The following XRRA1 variants were observed in gnomAD, a reference collection of about 807,000 sequenced individuals.
XRRA1 encodes X-ray radiation resistance-associated protein 1.
A neutral mutation model predicts 80.2 loss-of-function variants in XRRA1; 69 were observed. That is an observed-to-expected ratio of 0.86 (90% confidence interval 0.71 to 1.05). The LOEUF (loss-of-function observed/expected upper bound fraction) is 1.05. Among genes scored for constraint, XRRA1 ranks in the 50% least tolerant of loss-of-function variants. The pLI is 0.00. For synonymous variants in XRRA1, 348 were observed against 389.9 expected (o/e 0.89, Z 1.27); for missense variants, 967 against 976.4 (o/e 0.99, Z 0.13).
Position 74,841,716 on chromosome 11 carries a change from G to T in XRRA1, c.*1484C>A, listed in dbSNP as rs1398912092. 1 of 152,200 alleles carries T rather than the reference G, an allele frequency of 6.6e-6. No homozygotes were observed. Among genetic ancestry groups the T allele is most frequent in the Non-Finnish European group, 1.5e-5 (1 of 68,026 alleles). The allele number at this position is 152,200 out of a possible 1,614,324, so 9.4% of individuals were successfully genotyped here. ...TTGAAGCCAAGGCAAAGCAAGGTTT[G>T]TTCATCTTCCTTTCCTGTCATTTAA... On this transcript the variant is annotated 3_prime_UTR_variant, in exon 19 of 19. Coordinates refer to ENST00000684022, the MANE Select transcript of XRRA1 (RefSeq NM_001378157.1).
At chr11:74,844,379 T>G in intron 16 of XRRA1, 96 bp from the exon 17 acceptor site, 9 of 867,970 alleles carry the variant, frequency 1.0e-5, no homozygotes, top group Non-Finnish European at 1.1e-5. Context: ...ACAGCAGCTC[T>G]AGGTAAAAGG....
chr11:74,907,155 C>G lies in XRRA1; in HGVS notation c.775G>C (p.Gly259Arg), dbSNP rs1457971839. The G allele has an allele frequency of 1.9e-6, 3 of 1,613,638 alleles. No individual in the cohort carries two copies. The highest frequency in any genetic ancestry group is 2.5e-6 in the Non-Finnish European group (3 of 1,179,876). ...GGCTTATGGCTTTACCTCCTGAGCC[C>G]AGCCAGGCTGGCAAAGCAACTGGGG... ...SNPSCFASLA[G>R]LRRLKKLSLD... is the part of the protein sequence containing the mutation. The change falls in exon 9 of 19, where the codon GGG (glycine) becomes CGG (arginine). Residue 259 changes from glycine (G) to arginine (R), a missense_variant. By Grantham distance (125) the Gly-to-Arg change is moderately radical. Coordinates refer to ENST00000684022, the MANE Select transcript of XRRA1 (RefSeq NM_001378157.1).
At chr11:74,867,984 C>T (rs112128750) in intron 10 of XRRA1, among the ~76,000 whole-genome samples, 87 of 132,230 alleles carry the variant, frequency 6.6e-4, no homozygotes, top group African/African-American at 2.3e-3. Context: ...TACAATGGTG[C>T]GATCTTGGTT....
At chr11:74,857,034 G>C (rs1428330194) in intron 12 of XRRA1, among the ~76,000 whole-genome samples, 1 of 151,934 alleles carries the variant, frequency 6.6e-6, no homozygotes, top group Non-Finnish European at 1.5e-5. Flanking sequence ...TAAGACTGGG[G>C]CTAGAGCCTC....
intron 10 of XRRA1, among the ~76,000 whole-genome samples, chr11:74,864,520 G>A (rs1257112327): frequency 6.6e-6 from 1 of 152,212 alleles, no homozygotes; most frequent in East Asian, 1.9e-4. Flanking sequence ...TGAGGGTACA[G>A]ACCAACACCC....
At position 74,852,892 on chromosome 11, in the gene XRRA1, G is replaced by A. The variant is rs1439323345; in HGVS notation, c.1171-810C>T. 2.6e-5 allele frequency among the ~76,000 whole-genome samples: 4 copies of A among 152,158 alleles called. No individual in the cohort carries two copies. The East Asian group carries it at 7.7e-4, about 29-fold the overall frequency. ...CCCCTGGACACACTGAAAGGTATTG[G>A]GTCAGATGTAGGACCCAATGAAGGT... On this transcript the variant is annotated intron_variant, in intron 12 of 18. Coordinates refer to ENST00000684022, the MANE Select transcript of XRRA1 (RefSeq NM_001378157.1).
intron 10 of XRRA1, among the ~76,000 whole-genome samples, chr11:74,883,931 C>T (rs979118902): frequency 1.3e-5 from 2 of 152,172 alleles, no homozygotes; most frequent in African/African-American, 4.8e-5. Context: ...GGCACGGTAG[C>T]TTATGCCTGT....
chr11:74,882,111 T>A (rs536056881), intron 10 of XRRA1, among the ~76,000 whole-genome samples: 99 of 152,168 alleles, frequency 6.5e-4, no homozygotes, highest in Non-Finnish European at 2.6e-4. Flanking sequence ...GTTTTCCAAC[T>A]TGGTTCCATT....
intron 10 of XRRA1, among the ~76,000 whole-genome samples, chr11:74,891,087 A>G (rs1159641518): frequency 6.6e-6 from 1 of 152,218 alleles, no homozygotes; most frequent in Non-Finnish European, 1.5e-5. Flanking sequence ...AAAGCCTGGC[A>G]GAGACACAAC....
In XRRA1 at chr11:74,842,405, G is replaced by C. The variant is rs1240181933; in HGVS notation, c.*795C>G. On this transcript the variant is annotated 3_prime_UTR_variant, in exon 19 of 19. Coordinates refer to ENST00000684022, the MANE Select transcript of XRRA1 (RefSeq NM_001378157.1). ...TGAGAATACAGTAAAGGAAACTCATGAAAGTGGATGTTCTGTTTATAGTCA... is the reference window on the plus strand; with the variant it reads ...TGAGAATACAGTAAAGGAAACTCATCAAAGTGGATGTTCTGTTTATAGTCA... The C allele has an allele frequency of 6.6e-6, 1 of 152,252 alleles. No homozygotes were observed. The highest frequency in any genetic ancestry group is 2.4e-5 in the African/African-American group (1 of 41,466). The allele number at this position is 152,252 out of a possible 1,614,324, so 9.4% of individuals were successfully genotyped here.
Position 74,859,143 on chromosome 11 carries a change from G to A in XRRA1, c.1170+15C>T, listed in dbSNP as rs1262287357. On this transcript the variant is annotated intron_variant, in intron 12 of 18. Transcript: ENST00000684022. ...TCTGTGCCCCTGAGTAAACAGGAGAGGAGCAGAAAGTCACCTTGTTGTAGG... is the reference window on the plus strand; with the variant it reads ...TCTGTGCCCCTGAGTAAACAGGAGAAGAGCAGAAAGTCACCTTGTTGTAGG... 1 of 1,585,858 alleles carries A rather than the reference G, an allele frequency of 6.3e-7. No individual in the cohort carries two copies. The highest frequency in any genetic ancestry group is 8.5e-7 in the Non-Finnish European group (1 of 1,171,686).
intron 12 of XRRA1, 65 bp downstream of exon 12, chr11:74,859,093 G>C (rs2041774059): frequency 6.6e-7 from 1 of 1,504,996 alleles, no homozygotes; most frequent in Non-Finnish European, 8.8e-7. Flanking sequence ...TTTTAGGCCA[G>C]AGCAACTTGC....
chr11:74,923,021 A>G (rs1941292385), intron 7 of XRRA1, among the ~76,000 whole-genome samples: 1 of 152,186 alleles, frequency 6.6e-6, no homozygotes, highest in African/African-American at 2.4e-5. Flanking sequence ...TTATGTAGCA[A>G]TGCTGCTGGG....
intron 1 of XRRA1, among the ~76,000 whole-genome samples, chr11:74,947,993 A>G (rs1265182642): frequency 6.6e-6 from 1 of 152,048 alleles, no homozygotes; most frequent in East Asian, 1.9e-4. Flanking sequence ...GATTACAACC[A>G]TGAGCCCCCA....
At chr11:74,853,172 T>A (rs1029505329) in intron 12 of XRRA1, among the ~76,000 whole-genome samples, 10 of 152,160 alleles carry the variant, frequency 6.6e-5, no homozygotes, top group Non-Finnish European at 1.2e-4. Context: ...AGATTTACAA[T>A]GTGATAAGTG....
At chr11:74,871,195 T>A (rs1291034678) in intron 10 of XRRA1, among the ~76,000 whole-genome samples, 1 of 152,218 alleles carries the variant, frequency 6.6e-6, no homozygotes, top group Non-Finnish European at 1.5e-5. Flanking sequence ...TGAGTGTGAC[T>A]AAATCCATCA....
At chr11:74,893,906 A>G (rs2051506638) in intron 10 of XRRA1, among the ~76,000 whole-genome samples, 1 of 152,258 alleles carries the variant, frequency 6.6e-6, no homozygotes, top group Non-Finnish European at 1.5e-5. Context: ...GTATATACCC[A>G]AAGGGATATA....
At chr11:74,861,931 C>T (rs1024565089) in intron 11 of XRRA1, among the ~76,000 whole-genome samples, 1 of 152,220 alleles carries the variant, frequency 6.6e-6, no homozygotes, top group Non-Finnish European at 1.5e-5. Flanking sequence ...ACTACCCTCA[C>T]TTGTGGGCTT....
Position 74,932,207 on chromosome 11 carries a change from TTAGA to T in XRRA1, c.351+1590_351+1593del, listed in dbSNP as rs1481589314. Among the ~76,000 whole-genome samples the T allele has an allele frequency of 2.0e-5, 3 of 152,316 alleles. No homozygotes were observed. The South Asian group carries it at 6.2e-4, about 32-fold the overall frequency. ...TTACCTTTGTTTGTGGTAACTTTTG[TTAGA>T]TAGATATTTTTAATTAAATTTCATA... On this transcript the variant is annotated intron_variant, in intron 5 of 18. Coordinates refer to ENST00000684022, the MANE Select transcript of XRRA1 (RefSeq NM_001378157.1).
Sources: gnomAD v4.1 joint callset for allele counts (sites outside exome capture counted in the v4.1 genomes callset) on GRCh38, gnomAD v4.1.1 for gene constraint, MANE v1.5 for transcripts, NCBI Gene and HGNC (gene_info 2026-07-23, HGNC 2026-07-21) for gene names.